Variants in TOR1AIP1 observed in about 807,000 individuals in gnomAD.
TOR1AIP1 encodes the protein torsin 1A interacting protein 1.
In TOR1AIP1, 54 loss-of-function variants were observed where a neutral mutation model predicts 63.3. The observed-to-expected ratio is 0.85, with a 90% CI of 0.69 to 1.07. The LOEUF (loss-of-function observed/expected upper bound fraction) is 1.07, where lower values mean the gene tolerates loss of function less well. Among genes scored for constraint, TOR1AIP1 ranks in the 50% least tolerant of loss-of-function variants. The pLI is 0.00. For missense variants in TOR1AIP1, 736 were observed against 715.0 expected, an observed-to-expected ratio of 1.03 and a Z score of -0.33; for synonymous variants, 294 against 273.5, an observed-to-expected ratio of 1.07 and a Z score of -0.74.
chr1:179,905,901 T>G (rs1648619924), intron 6 of TOR1AIP1, among the ~76,000 whole-genome samples: 1 of 151,850 alleles, frequency 6.6e-6, no homozygotes, highest in Non-Finnish European at 1.5e-5. Context: ...GGCAGTGAAC[T>G]GGGATTGCAC....
chr1:179,898,089 C>A (rs1372340168), intron 3 of TOR1AIP1, among the ~76,000 whole-genome samples: 2 of 150,954 alleles, frequency 1.3e-5, no homozygotes, highest in African/African-American at 4.9e-5. Flanking sequence ...ACGACAGAAC[C>A]AAACCATGTC....
In TOR1AIP1 at chr1:179,917,383, T is replaced by C. The variant is rs1649053385; in HGVS notation, c.965-69T>C. ...TGTTTATAAAGACTGATATTGATTT[T>C]AAAAGTCACTTGCCCCTGAATCTAA... On this transcript the variant is annotated intron_variant, in intron 9 of 9. Transcript: ENST00000606911. 7.4e-6 allele frequency: 10 copies of C among 1,351,440 alleles called. No homozygotes were observed. The South Asian group carries it at 1.1e-4, about 15-fold the overall frequency. 83.7% of individuals were successfully genotyped at this position (1,351,440 alleles called of 1,614,324 possible).
intron 8 of TOR1AIP1, among the ~76,000 whole-genome samples, chr1:179,912,604 A>G (rs1648876047): frequency 6.6e-6 from 1 of 152,158 alleles, no homozygotes; most frequent in African/African-American, 2.4e-5. Context: ...TTCAAAATAA[A>G]CATTATCTGA....
At position 179,882,551 on chromosome 1, in the gene TOR1AIP1, G is replaced by A; in HGVS notation, c.49G>A (p.Val17Met). The change falls in exon 1 of 10, where the codon GTG becomes ATG. Residue 17 changes from valine (V) to methionine (M), a missense_variant. Val to Met is a conservative substitution (Grantham distance 21). Coordinates refer to ENST00000606911, the MANE Select transcript of TOR1AIP1 (RefSeq NM_015602.4). ...AGAGGCGGTGCGGGAAGGATGGGGT[G>A]TGTACGTCACCCCCAGGGCCCCCAT... ...RAEAVREGWGVYVTPRAPIRE... is the reference protein window; with the variant it reads ...RAEAVREGWGMYVTPRAPIRE... 6.7e-7 allele frequency: 1 copy of A among 1,501,678 alleles called. No homozygotes were observed. Among genetic ancestry groups the A allele is most frequent in the Non-Finnish European group, 8.9e-7 (1 of 1,129,026 alleles). 93.0% of individuals were successfully genotyped at this position (1,501,678 alleles called of 1,614,324 possible).
intron 6 of TOR1AIP1, chr1:179,904,785 C>T (rs1376983312): frequency 1.3e-5 from 2 of 152,114 alleles, no homozygotes; most frequent in Admixed American, 6.6e-5. Flanking sequence ...CTACCATGCC[C>T]AGCTAATTTT....
rs1447571663 is a variant in TOR1AIP1, at chr1:179,882,769, G to A, written c.267G>A (p.Glu89=). The part of the protein sequence containing the change: ...SPVGKRTRLE[E]FRSDSAKEEV... ...TGGGAAAACGAACCCGGCTAGAAGA[G>A]TTCCGGTCCGATTCTGCGAAAGAGG... The change falls in exon 1 of 10, where the codon GAG becomes GAA. Residue 89 remains glutamate, a synonymous_variant. Coordinates refer to ENST00000606911, the MANE Select transcript of TOR1AIP1 (RefSeq NM_015602.4). The A allele has an allele frequency of 6.2e-7, 1 of 1,614,216 alleles. No individual in the cohort carries two copies.
chr1:179,896,272 A>C (rs1055187264), intron 3 of TOR1AIP1, among the ~76,000 whole-genome samples: 1 of 151,996 alleles, frequency 6.6e-6, no homozygotes, highest in African/African-American at 2.4e-5. Flanking sequence ...CATGGAACAA[A>C]CTTTTTTTAT....
rs1377865081 is a variant in TOR1AIP1 at position 179,894,260 on chromosome 1, A to AT, written c.610+4891_610+4892insT. On this transcript the variant is annotated intron_variant, in intron 3 of 9. Transcript: ENST00000606911. Reference sequence around the variant, plus strand: ...AGCGAGACTCTGTCTCAAAAAAAAAAAAAAAAGAATAAAGACGACAAATCA... The same window carrying AT: ...AGCGAGACTCTGTCTCAAAAAAAAAATAAAAAAGAATAAAGACGACAAATCA... Among the ~76,000 whole-genome samples, 4 of 152,054 alleles carry AT rather than the reference A, an allele frequency of 2.6e-5. No individual in the cohort carries two copies. The South Asian group carries it at 8.3e-4, about 31-fold the overall frequency.
intron 5 of TOR1AIP1, among the ~76,000 whole-genome samples, chr1:179,901,906 C>T (rs550835134): frequency 6.6e-6 from 1 of 151,766 alleles, no homozygotes; most frequent in Non-Finnish European, 1.5e-5. Context: ...ACCCTCCCCC[C>T]CAAAAAAGAT....
intron 3 of TOR1AIP1, among the ~76,000 whole-genome samples, chr1:179,893,493 T>C (rs970501180): frequency 2.0e-5 from 3 of 152,082 alleles, no homozygotes; most frequent in African/African-American, 4.8e-5. Context: ...CACGCTGGAC[T>C]GTAGTGGTGC....
intron 5 of TOR1AIP1, among the ~76,000 whole-genome samples, chr1:179,902,826 G>A (rs1648509545): frequency 6.6e-6 from 1 of 152,126 alleles, no homozygotes. Flanking sequence ...ACTAAGTGCT[G>A]TTATTAGTGT....
chr1:179,907,913 C>CTCT, intron 7 of TOR1AIP1, 49 bp downstream of exon 7: 1 of 356,120 alleles, frequency 2.8e-6, no homozygotes. Flanking sequence ...ATTCTTTTCT[C>CTCT]TTTTTTTTTT....
intron 2 of TOR1AIP1, among the ~76,000 whole-genome samples, chr1:179,886,975 G>A (rs1205905941): frequency 1.3e-5 from 2 of 152,174 alleles, no homozygotes; most frequent in African/African-American, 4.8e-5. Context: ...CAAGTTTAAG[G>A]TAAAGATAAG....
At chr1:179,903,888 A>G (rs1232997693) in intron 5 of TOR1AIP1, 78 bp from the exon 6 acceptor site, 1 of 1,006,310 alleles carries the variant, frequency 9.9e-7, no homozygotes. Context: ...CTTTTTATTA[A>G]TTTCTCACTG....
chr1:179,901,498 G>C (rs772191517), intron 5 of TOR1AIP1, 110 bp downstream of exon 5: 10 of 524,906 alleles, frequency 1.9e-5, no homozygotes, highest in Non-Finnish European at 3.2e-5. Context: ...TTTATAAAAA[G>C]TCGTGAATTT....
intron 8 of TOR1AIP1, chr1:179,913,593 A>G: frequency 1.4e-6 from 1 of 702,370 alleles, no homozygotes; most frequent in Non-Finnish European, 2.6e-6. Flanking sequence ...CAGCATCTTC[A>G]CCAGGCAAGA....
At chr1:179,892,299 C>G (rs574251182) in intron 3 of TOR1AIP1, among the ~76,000 whole-genome samples, 64 of 151,488 alleles carry the variant, frequency 4.2e-4, no homozygotes, top group Admixed American at 1.3e-3. Context: ...TGGCAAAACC[C>G]CGTCTCTACT....
intron 3 of TOR1AIP1, among the ~76,000 whole-genome samples, chr1:179,891,319 T>C (rs56069362): frequency 6.6e-6 from 1 of 152,090 alleles, no homozygotes; most frequent in Non-Finnish European, 1.5e-5. Flanking sequence ...CCTCCCAGGT[T>C]CAAGCAATTC....
At chr1:179,912,297 G>A (rs528151487) in intron 8 of TOR1AIP1, among the ~76,000 whole-genome samples, 139 of 152,192 alleles carry the variant, frequency 9.1e-4, no homozygotes, top group African/African-American at 3.3e-3. Context: ...TGGGATTACA[G>A]GCTTGAGCCA....
Sources: gnomAD v4.1 joint callset for allele counts (sites outside exome capture counted in the v4.1 genomes callset) on GRCh38, gnomAD v4.1.1 for gene constraint, MANE v1.5 for transcripts, NCBI Gene and HGNC (gene_info 2026-07-23, HGNC 2026-07-21) for gene names.